Variants in FRMD4A observed in about 807,000 individuals in gnomAD.
FRMD4A encodes FERM domain containing 4A, also known as FERM domain-containing protein 4A.
A neutral mutation model predicts 129.1 loss-of-function variants in FRMD4A; 29 were observed. The ratio of observed to expected loss-of-function variants is 0.22; its 90% CI spans 0.17 to 0.31. The LOEUF is 0.31. Among genes scored for constraint, FRMD4A ranks in the 10% least tolerant of loss-of-function variants. The pLI, the probability that FRMD4A is intolerant of heterozygous loss-of-function variation, is 1.00. For missense variants in FRMD4A, 1,272 were observed against 1,375.8 expected (o/e 0.92, Z 1.19); for synonymous variants, 634 against 571.6 (o/e 1.11, Z -1.56).
chr10:13,959,947 G>GA (rs1040604603), intron 2 of FRMD4A, among the ~76,000 whole-genome samples: 1 of 152,200 alleles, frequency 6.6e-6, no homozygotes, highest in Admixed American at 6.5e-5. Flanking sequence ...AGATGCCGTG[G>GA]AAAAGGCACC....
chr10:13,812,928 C>T (rs757642555), intron 3 of FRMD4A, among the ~76,000 whole-genome samples: 4 of 152,258 alleles, frequency 2.6e-5, no homozygotes, highest in Admixed American at 6.5e-5. Context: ...GGAACGTCTA[C>T]TCTGCGAGAA....
intron 4 of FRMD4A, among the ~76,000 whole-genome samples, chr10:13,805,802 C>T (rs146289979): frequency 0.016 from 2,407 of 152,076 alleles, 72 homozygotes; most frequent in African/African-American, 0.055. Flanking sequence ...GATCCTCCTG[C>T]CTCAGCCTCC....
chr10:14,128,075 T>C (rs951431386), intron 2 of FRMD4A, among the ~76,000 whole-genome samples: 9 of 109,442 alleles, frequency 8.2e-5, no homozygotes, highest in African/African-American at 3.0e-4. Flanking sequence ...TTTCTTTCTT[T>C]CTTTCTTTCT....
intron 5 of FRMD4A, among the ~76,000 whole-genome samples, chr10:13,787,848 G>A (rs1258629527): frequency 6.7e-6 from 1 of 148,312 alleles, no homozygotes; most frequent in East Asian, 2.0e-4. Flanking sequence ...TTGGGAGGCC[G>A]AGGCAGGCAG....
intron 3 of FRMD4A, among the ~76,000 whole-genome samples, chr10:13,835,441 C>T (rs1164823702): frequency 2.6e-5 from 4 of 152,168 alleles, no homozygotes; most frequent in Admixed American, 1.3e-4. Flanking sequence ...CGGACCAGTA[C>T]AGGAACCGGG....
At chr10:13,749,778 C>G (rs2091478453) in intron 8 of FRMD4A, among the ~76,000 whole-genome samples, 1 of 151,868 alleles carries the variant, frequency 6.6e-6, no homozygotes, top group Non-Finnish European at 1.5e-5. Flanking sequence ...CACTTCAGTC[C>G]AGGAGCTCAA....
At chr10:13,931,717 C>A (rs2095196973) in intron 2 of FRMD4A, among the ~76,000 whole-genome samples, 1 of 149,378 alleles carries the variant, frequency 6.7e-6, no homozygotes, top group Admixed American at 6.7e-5. Flanking sequence ...GTGGGCAGAT[C>A]ACCTGAAGTC....
intron 2 of FRMD4A, among the ~76,000 whole-genome samples, chr10:14,018,213 G>A (rs10906570): frequency 0.6 from 90,341 of 151,348 alleles, 30,381 homozygotes; most frequent in Non-Finnish European, 0.75. Context: ...TTGGAAGGCC[G>A]AGGCAGGCAG....
intron 2 of FRMD4A, among the ~76,000 whole-genome samples, chr10:14,198,180 C>T (rs147060756): frequency 2.0e-5 from 3 of 152,338 alleles, no homozygotes; most frequent in Non-Finnish European, 4.4e-5. Flanking sequence ...TGCTCGGGCT[C>T]ATAGATCATT....
chr10:13,750,881 G>A (rs2091588709), intron 8 of FRMD4A, among the ~76,000 whole-genome samples: 1 of 152,134 alleles, frequency 6.6e-6, no homozygotes, highest in South Asian at 2.1e-4. Flanking sequence ...TGCTATAAAG[G>A]CATAGTTTCA....
chr10:13,715,968 C>G (rs1163278407), intron 12 of FRMD4A, among the ~76,000 whole-genome samples: 1 of 150,472 alleles, frequency 6.6e-6, no homozygotes, highest in Non-Finnish European at 1.5e-5. Flanking sequence ...AATTACATAC[C>G]AATATTATTG....
At chr10:14,129,976 G>A (rs1839154838) in intron 2 of FRMD4A, among the ~76,000 whole-genome samples, 1 of 152,134 alleles carries the variant, frequency 6.6e-6, no homozygotes, top group Non-Finnish European at 1.5e-5. Context: ...TGGTTGTCTT[G>A]CTATGGTTCC....
At chr10:14,302,062 C>T (rs1039435366) in intron 2 of FRMD4A, among the ~76,000 whole-genome samples, 6 of 152,156 alleles carry the variant, frequency 3.9e-5, no homozygotes, top group Non-Finnish European at 8.8e-5. Flanking sequence ...GAATAAATCC[C>T]ATCGTAATGG....
intron 2 of FRMD4A, among the ~76,000 whole-genome samples, chr10:13,974,550 G>A (rs374084855): frequency 6.6e-6 from 1 of 151,352 alleles, no homozygotes; most frequent in African/African-American, 2.4e-5. Context: ...TGATGGAGGC[G>A]GAGTCTCGCT....
intron 2 of FRMD4A, among the ~76,000 whole-genome samples, chr10:14,081,477 GA>G (rs1240865893): frequency 1.3e-5 from 2 of 152,186 alleles, no homozygotes; most frequent in African/African-American, 4.8e-5. Flanking sequence ...AATTGAGTGG[GA>G]ACCATGTCTG....
intron 2 of FRMD4A, chr10:13,871,134 G>A (rs577353951): frequency 6.6e-4 from 108 of 164,402 alleles, no homozygotes; most frequent in Admixed American, 1.1e-3. Context: ...GCTTGGGTTC[G>A]CCCTGATGAC....
rs1260227068 is a variant in FRMD4A, at chr10:14,261,466, A to G, written c.45+68592T>C. ...AACTGACCTGCTCACCAATGGCTCT[A>G]ACGCTTCTTCTTCTCTGAGGACTCA... On this transcript the variant is annotated intron_variant, in intron 2 of 24. Coordinates refer to ENST00000357447, the MANE Select transcript of FRMD4A (RefSeq NM_018027.5). Among the ~76,000 whole-genome samples the G allele has an allele frequency of 2.0e-5, 3 of 152,194 alleles. No individual in the cohort carries two copies. The South Asian group carries it at 6.2e-4, about 32-fold the overall frequency.
chr10:14,073,429 G>A (rs1259745161), intron 2 of FRMD4A, among the ~76,000 whole-genome samples: 1 of 152,140 alleles, frequency 6.6e-6, no homozygotes, highest in Non-Finnish European at 1.5e-5. Flanking sequence ...GTTCCTAGGT[G>A]ATTGACTTAA....
intron 2 of FRMD4A, among the ~76,000 whole-genome samples, chr10:13,985,711 C>A (rs1312635094): frequency 6.6e-6 from 1 of 152,200 alleles, no homozygotes; most frequent in Non-Finnish European, 1.5e-5. Flanking sequence ...ACTGGGTTGG[C>A]CTGGGTTTGG....
Sources: gnomAD v4.1 joint callset for allele counts (sites outside exome capture counted in the v4.1 genomes callset) on GRCh38, gnomAD v4.1.1 for gene constraint, MANE v1.5 for transcripts, NCBI Gene and HGNC (gene_info 2026-07-23, HGNC 2026-07-21) for gene names.